Variants in DLC1 observed in about 807,000 individuals in gnomAD.
DLC1 encodes DLC1 Rho GTPase activating protein, also known as rho GTPase-activating protein 7.
Under a neutral mutation model 140.3 loss-of-function variants are expected in DLC1, and 54 were observed. That is an observed-to-expected ratio of 0.38 (90% confidence interval 0.31 to 0.48). The LOEUF (loss-of-function observed/expected upper bound fraction) is 0.48. Among genes scored for constraint, DLC1 ranks in the 20% least tolerant of loss-of-function variants. The pLI, the probability that DLC1 is intolerant of heterozygous loss-of-function variation, is 0.96. For missense variants in DLC1, 2,536 were observed against 1,907.0 expected (o/e 1.33, Z -6.14); for synonymous variants, 986 against 728.1 (o/e 1.35, Z -5.70).
Position 13,499,748 on chromosome 8 carries a change from C to G in DLC1, c.324G>C (p.Val108=). 6.2e-7 allele frequency: 1 copy of G among 1,614,050 alleles called. No homozygotes were observed. The highest frequency in any genetic ancestry group is 8.5e-7 in the Non-Finnish European group (1 of 1,179,980). The change falls in exon 2 of 18, where the codon GTG becomes GTC. Residue 108 remains valine, a synonymous_variant. Transcript: ENST00000276297. ...LSLEASTETL[V]HVSDEDNNAD... is the part of the protein sequence containing the mutation. ...CATTGTTATCCTCATCAGAAACATGCACTAGTGTTTCTGTGCTGGCTTCCA... is the reference window on the plus strand; with the variant it reads ...CATTGTTATCCTCATCAGAAACATGGACTAGTGTTTCTGTGCTGGCTTCCA...
At chr8:13,561,167 G>T (rs908970491) in intron 1 of DLC1, among the ~76,000 whole-genome samples, 9 of 149,772 alleles carry the variant, frequency 6.0e-5, no homozygotes, top group Admixed American at 4.7e-4. Flanking sequence ...CTGTCAACCA[G>T]GCTGGAGTGC....
intron 4 of DLC1, among the ~76,000 whole-genome samples, chr8:13,358,779 G>A (rs1433522147): frequency 6.6e-6 from 1 of 152,062 alleles, no homozygotes; most frequent in African/African-American, 2.4e-5. Context: ...AAGCACTAGA[G>A]ATGGCCATTT....
intron 17 of DLC1, 30 bp from the exon 18 acceptor site, chr8:13,085,961 A>G: frequency 6.2e-7 from 1 of 1,609,330 alleles, no homozygotes; most frequent in Non-Finnish European, 8.5e-7. Flanking sequence ...AAAGCTGATG[A>G]ATTATTTAAG....
intron 5 of DLC1, among the ~76,000 whole-genome samples, chr8:13,190,034 G>A (rs532832035): frequency 1.3e-5 from 2 of 152,244 alleles, no homozygotes; most frequent in South Asian, 2.1e-4. Flanking sequence ...AAATTTTCCA[G>A]TAGCCGCTGC....
chr8:13,541,827 G>T (rs1256958377), intron 1 of DLC1, among the ~76,000 whole-genome samples: 1 of 152,168 alleles, frequency 6.6e-6, no homozygotes, highest in African/African-American at 2.4e-5. Context: ...GGGATTACAG[G>T]CATGAACCAC....
intron 1 of DLC1, among the ~76,000 whole-genome samples, chr8:13,522,767 G>C (rs377100889): frequency 3.9e-5 from 6 of 152,108 alleles, no homozygotes; most frequent in South Asian, 2.1e-4. Context: ...TGAGGATTGA[G>C]GGGCAATCAT....
At chr8:13,103,603 C>T (rs1388963265) in intron 7 of DLC1, among the ~76,000 whole-genome samples, 1 of 151,814 alleles carries the variant, frequency 6.6e-6, no homozygotes, top group Non-Finnish European at 1.5e-5. Flanking sequence ...CTTTGGGAGG[C>T]CGAGGCAGGC....
chr8:13,101,049 C>T (rs1360462716), intron 8 of DLC1: 1 of 373,496 alleles, frequency 2.7e-6, no homozygotes. Flanking sequence ...GCTACTGTGC[C>T]CAGCCCCACT....
chr8:13,538,967 C>A (rs12544254), intron 1 of DLC1, among the ~76,000 whole-genome samples: 4 of 151,878 alleles, frequency 2.6e-5, no homozygotes, highest in African/African-American at 9.7e-5. Context: ...TCTTAAAATA[C>A]GTGGCAGATT....
chr8:13,360,549 G>A (rs563895692), intron 4 of DLC1, among the ~76,000 whole-genome samples: 12 of 152,156 alleles, frequency 7.9e-5, no homozygotes, highest in South Asian at 4.2e-4. Context: ...TTGATACAGC[G>A]CTGGGCTTGG....
chr8:13,460,294 A>G (rs560755541), intron 2 of DLC1, among the ~76,000 whole-genome samples: 4 of 152,310 alleles, frequency 2.6e-5, no homozygotes, highest in South Asian at 4.1e-4. Flanking sequence ...ACAAATTTTC[A>G]TCTCCCATGG....
chr8:13,468,474 G>A (rs1229587070), intron 2 of DLC1, among the ~76,000 whole-genome samples: 1 of 150,606 alleles, frequency 6.6e-6, no homozygotes, highest in Non-Finnish European at 1.5e-5. Context: ...TTGAACACCT[G>A]GTCTCTAACA....
intron 5 of DLC1, among the ~76,000 whole-genome samples, chr8:13,171,427 G>T (rs1825474415): frequency 6.7e-6 from 1 of 148,744 alleles, no homozygotes; most frequent in African/African-American, 2.4e-5. Flanking sequence ...CTGTCACTCA[G>T]ACTGGAGTGC....
At chr8:13,360,450 C>G (rs191569947) in intron 4 of DLC1, among the ~76,000 whole-genome samples, 6 of 152,308 alleles carry the variant, frequency 3.9e-5, no homozygotes, top group Middle Eastern at 3.4e-3. Flanking sequence ...TACCCATTTC[C>G]TCTACTAGTA....
chr8:13,186,424 T>C (rs1376373096), intron 5 of DLC1, among the ~76,000 whole-genome samples: 1 of 152,178 alleles, frequency 6.6e-6, no homozygotes, highest in Non-Finnish European at 1.5e-5. Context: ...ATACCCTTTC[T>C]TCCACTTGAT....
At chr8:13,160,477 C>T (rs1022089311) in intron 5 of DLC1, among the ~76,000 whole-genome samples, 5 of 152,200 alleles carry the variant, frequency 3.3e-5, no homozygotes, top group African/African-American at 1.2e-4. Context: ...CTTTCACAGG[C>T]TCTGTCCTCT....
At chr8:13,532,125 C>T (rs1803118796) in intron 1 of DLC1, among the ~76,000 whole-genome samples, 1 of 152,158 alleles carries the variant, frequency 6.6e-6, no homozygotes, top group Non-Finnish European at 1.5e-5. Flanking sequence ...CCAGAAGAGG[C>T]CAGGCTCAGT....
chr8:13,510,135 G>C (rs1307315780), intron 1 of DLC1, among the ~76,000 whole-genome samples: 1 of 150,948 alleles, frequency 6.6e-6, no homozygotes, highest in Non-Finnish European at 1.5e-5. Flanking sequence ...TGAGTGATTA[G>C]AACAAAATGT....
At chr8:13,225,242 A>G (rs138557618) in intron 5 of DLC1, among the ~76,000 whole-genome samples, 2,352 of 152,294 alleles carry the variant, frequency 0.015, 72 homozygotes, top group African/African-American at 0.053. Flanking sequence ...TTTCCGTGGG[A>G]TTGCTGAAGT....
Sources: allele counts gnomAD v4.1 joint callset (sites outside exome capture counted in the v4.1 genomes callset), GRCh38; gene constraint gnomAD v4.1.1; transcripts MANE v1.5; gene names NCBI Gene and HGNC (gene_info 2026-07-23, HGNC 2026-07-21).